PLCB4: variants seen among roughly 807,000 people sequenced by gnomAD.
PLCB4 encodes the protein phospholipase C beta 4, also known as 1-phosphatidylinositol 4,5-bisphosphate phosphodiesterase beta-4.
Under a neutral mutation model 178.8 loss-of-function variants are expected in PLCB4, and 77 were observed. The observed-to-expected ratio is 0.43, with a 90% CI of 0.36 to 0.52. The LOEUF is 0.52. Among genes scored for constraint, PLCB4 ranks in the 20% least tolerant of loss-of-function variants. The pLI is 0.00. For missense variants in PLCB4, 1,024 were observed against 1,453.4 expected, an observed-to-expected ratio of 0.70 and a Z score of 4.80; for synonymous variants, 496 against 490.8, an observed-to-expected ratio of 1.01 and a Z score of -0.14.
At chr20:9,473,158 A>T (rs1477067042) in intron 37 of PLCB4, 121 bp from the exon 38 acceptor site, 4 of 606,122 alleles carry the variant, frequency 6.6e-6, no homozygotes, top group Non-Finnish European at 1.1e-5. Flanking sequence ...TTTTGAGATG[A>T]TTTTTTAAAA....
At chr20:9,413,985 C>T (rs2040062707) in intron 25 of PLCB4, among the ~76,000 whole-genome samples, 2 of 152,188 alleles carry the variant, frequency 1.3e-5, no homozygotes, top group South Asian at 4.1e-4. Context: ...CTCTTGAGCT[C>T]AGGCAATCTG....
In PLCB4 at chr20:9,472,846, G is replaced by T; in HGVS notation, c.3407G>T (p.Arg1136Ile). 6.4e-7 allele frequency: 1 copy of T among 1,563,544 alleles called. No individual in the cohort carries two copies. The highest frequency in any genetic ancestry group is 8.8e-7 in the Non-Finnish European group (1 of 1,138,628). The stretch of plus-strand genomic sequence containing the variant: ...AAAAAGTTTCTGGAAGAAAGAAAGA[G>T]AGTAAGTATTTTATTATATTTTTGG... ...NTKKFLEERK[R>I]LAMKQSKEMD... The change falls in exon 37 of 40, where the codon AGA becomes ATA. Residue 1136 changes from arginine to isoleucine, a missense_variant and splice_region_variant. Arg to Ile is a moderately conservative substitution (Grantham distance 97). This residue lies in a region of PLCB4 where 264 missense variants were observed against 283.2 expected (regional missense o/e 0.93). Coordinates refer to ENST00000378473, the MANE Select transcript of PLCB4 (RefSeq NM_001377142.1).
intron 4 of PLCB4, among the ~76,000 whole-genome samples, chr20:9,320,582 G>A (rs1176755673): frequency 3.3e-5 from 5 of 152,166 alleles, no homozygotes; most frequent in African/African-American, 1.2e-4. Flanking sequence ...AAGATGGAGT[G>A]GTTCTGGCTC....
rs550513391 is a variant in PLCB4 at position 9,123,565 on chromosome 20, A to G, written c.-79+27223A>G. ...TAATACCTGCTTGCTGGGATAAACA[A>G]TATAGATGAGTAAAAAATATTTTGT... is the stretch of plus-strand genomic sequence containing the variant. On this transcript the variant is annotated intron_variant, in intron 2 of 39. Coordinates refer to ENST00000378473, the MANE Select transcript of PLCB4 (RefSeq NM_001377142.1). Among the ~76,000 whole-genome samples, 13 of 152,104 alleles carry G rather than the reference A, an allele frequency of 8.5e-5. No individual in the cohort carries two copies. In the South Asian group the frequency reaches 2.5e-3, roughly 29 times the overall value.
chr20:9,414,661 T>C (rs1238369180), intron 25 of PLCB4, among the ~76,000 whole-genome samples: 1 of 152,206 alleles, frequency 6.6e-6, no homozygotes, highest in Non-Finnish European at 1.5e-5. Context: ...AAACCCTCTG[T>C]GCTCCCTGGC....
At chr20:9,271,702 A>G (rs1433249523) in intron 3 of PLCB4, among the ~76,000 whole-genome samples, 1 of 152,162 alleles carries the variant, frequency 6.6e-6, no homozygotes, top group African/African-American at 2.4e-5. Flanking sequence ...GAGATGGCTT[A>G]TTAGAAACAC....
chr20:9,315,687 C>G (rs906446730), intron 4 of PLCB4, among the ~76,000 whole-genome samples: 3 of 152,106 alleles, frequency 2.0e-5, no homozygotes, highest in Non-Finnish European at 4.4e-5. Context: ...AATCCCAGCA[C>G]TTTGGTAGGC....
intron 4 of PLCB4, among the ~76,000 whole-genome samples, chr20:9,313,016 A>T (rs2094854821): frequency 1.3e-5 from 2 of 152,228 alleles, no homozygotes; most frequent in Admixed American, 1.3e-4. Flanking sequence ...TTTCTATAGA[A>T]GTAAATCATT....
At chr20:9,394,079 G>A (rs1454458440) in intron 18 of PLCB4, among the ~76,000 whole-genome samples, 1 of 152,136 alleles carries the variant, frequency 6.6e-6, no homozygotes, top group Non-Finnish European at 1.5e-5. Flanking sequence ...ACATATGAGT[G>A]TGTGACTGTG....
chr20:9,380,218 A>G, intron 13 of PLCB4, 56 bp downstream of exon 13: 1 of 874,962 alleles, frequency 1.1e-6, no homozygotes, highest in Non-Finnish European at 1.8e-6. Context: ...TGCAACTTTT[A>G]AAGCCTTGGT....
At chr20:9,406,961 ATAAAC>A (rs1460469150) in intron 21 of PLCB4, among the ~76,000 whole-genome samples, 4 of 152,236 alleles carry the variant, frequency 2.6e-5, no homozygotes, top group Non-Finnish European at 5.9e-5. Flanking sequence ...CTATCAATAA[ATAAAC>A]TAATTTGTTT....
At chr20:9,439,487 G>A (rs1201621313) in intron 30 of PLCB4, among the ~76,000 whole-genome samples, 1 of 152,190 alleles carries the variant, frequency 6.6e-6, no homozygotes, top group Non-Finnish European at 1.5e-5. Flanking sequence ...CATTTTTGTA[G>A]TATAACACAG....
At chr20:9,124,773 T>C (rs1310175371) in intron 2 of PLCB4, among the ~76,000 whole-genome samples, 1 of 152,190 alleles carries the variant, frequency 6.6e-6, no homozygotes, top group Non-Finnish European at 1.5e-5. Flanking sequence ...GGGAGAAATA[T>C]TCCTGATCCC....
At chr20:9,392,032 A>C (rs2038189698) in intron 17 of PLCB4, among the ~76,000 whole-genome samples, 1 of 152,214 alleles carries the variant, frequency 6.6e-6, no homozygotes, top group African/African-American at 2.4e-5. Context: ...GGGAACCCAA[A>C]CTAAGAAACA....
At chr20:9,246,327 A>G (rs1460234247) in intron 3 of PLCB4, among the ~76,000 whole-genome samples, 6 of 152,158 alleles carry the variant, frequency 3.9e-5, no homozygotes, top group Non-Finnish European at 8.8e-5. Flanking sequence ...GGCAAAAACC[A>G]CAATTACTTT....
chr20:9,332,088 C>T (rs1199384893), intron 4 of PLCB4, among the ~76,000 whole-genome samples: 1 of 152,206 alleles, frequency 6.6e-6, no homozygotes, highest in African/African-American at 2.4e-5. Flanking sequence ...GCCCACCCCC[C>T]AAGGAAGTTC....
rs141353085 is a variant in PLCB4, at chr20:9,475,936, C to T, written c.3496-781C>T. 4.3e-3 allele frequency among the ~76,000 whole-genome samples: 660 copies of T among 152,332 alleles called. 1 individual carries two copies. Among genetic ancestry groups the T allele is most frequent in the Middle Eastern group, 0.027 (8 of 294 alleles). ...CTCCAGACAATGCAAACTTCTACAA[C>T]AATCTTCTAAATAATTGTTAAATCC... On this transcript the variant is annotated intron_variant, in intron 38 of 39. Coordinates refer to ENST00000378473, the MANE Select transcript of PLCB4 (RefSeq NM_001377142.1).
At chr20:9,099,971 G>A (rs1478459634) in intron 2 of PLCB4, among the ~76,000 whole-genome samples, 2 of 152,190 alleles carry the variant, frequency 1.3e-5, no homozygotes, top group Non-Finnish European at 2.9e-5. Context: ...ATTCGTCATT[G>A]TGTGAAGCTG....
intron 4 of PLCB4, among the ~76,000 whole-genome samples, chr20:9,324,549 G>A (rs961209921): frequency 2.0e-5 from 3 of 152,184 alleles, no homozygotes; most frequent in Admixed American, 2.0e-4. Context: ...CCTAAGAAAT[G>A]TCTTGGGGGT....
Sources: allele counts gnomAD v4.1 joint callset (sites outside exome capture counted in the v4.1 genomes callset), GRCh38; gene constraint gnomAD v4.1.1; regional missense constraint gnomAD v4.1.1; transcripts MANE v1.5; gene names NCBI Gene and HGNC (gene_info 2026-07-23, HGNC 2026-07-21).